Variants in FOXP1 observed in about 807,000 individuals in gnomAD.
FOXP1 encodes the protein forkhead box P1, also known as forkhead box protein P1.
A neutral mutation model predicts 98.2 loss-of-function variants in FOXP1; 15 were observed. The ratio of observed to expected loss-of-function variants is 0.15; its 90% CI spans 0.10 to 0.24. The LOEUF is 0.24. Among genes scored for constraint, FOXP1 ranks in the 10% least tolerant of loss-of-function variants. The pLI is 1.00. For synonymous variants in FOXP1, 371 were observed against 314.5 expected, an observed-to-expected ratio of 1.18 and a Z score of -1.90; for missense variants, 633 against 848.5, an observed-to-expected ratio of 0.75 and a Z score of 3.15.
chr3:70,988,159 T>C, intron 13 of FOXP1, 82 bp from the exon 14 acceptor site: 1 of 1,194,534 alleles, frequency 8.4e-7, no homozygotes, highest in Middle Eastern at 1.9e-4. Flanking sequence ...TATTACAAAT[T>C]ACGCTATGGC....
At chr3:71,157,904 T>C (rs960626612) in intron 6 of FOXP1, among the ~76,000 whole-genome samples, 2 of 151,754 alleles carry the variant, frequency 1.3e-5, no homozygotes, top group Non-Finnish European at 2.9e-5. Context: ...CAGGCCAACA[T>C]GGTGAAACCT....
At chr3:71,240,629 G>A (rs951074800) in intron 5 of FOXP1, among the ~76,000 whole-genome samples, 5 of 151,876 alleles carry the variant, frequency 3.3e-5, no homozygotes, top group East Asian at 2.0e-4. Flanking sequence ...TGCAACCTCC[G>A]CCTCCGGGGT....
Position 71,493,027 on chromosome 3 carries a change from C to G in FOXP1, c.-168+399G>C, listed in dbSNP as rs73837359. On this transcript the variant is annotated intron_variant, in intron 3 of 20. Coordinates refer to ENST00000649528, the MANE Select transcript of FOXP1 (RefSeq NM_001349338.3). ...TACAAAAAGTTTGGGATAGGACTCT[C>G]TCAAGGAACAAATTAGACTCAAATT... Among the ~76,000 whole-genome samples the G allele has an allele frequency of 2.0e-3, 308 of 152,150 alleles. 2 individuals carry two copies. The highest frequency in any genetic ancestry group is 7.2e-3 in the African/African-American group (297 of 41,494).
intron 14 of FOXP1, among the ~76,000 whole-genome samples, chr3:70,984,298 G>A (rs773793018): frequency 4.6e-5 from 7 of 152,134 alleles, no homozygotes; most frequent in Non-Finnish European, 1.0e-4. Context: ...CAGAGGGACC[G>A]ATCTGGGCAC....
intron 2 of FOXP1, among the ~76,000 whole-genome samples, chr3:71,554,706 T>C (rs2046004552): frequency 6.6e-6 from 1 of 152,228 alleles, no homozygotes; most frequent in African/African-American, 2.4e-5. Context: ...TTAAAAATGT[T>C]AGAATCCAAC....
At chr3:71,293,015 C>G (rs1188895715) in intron 5 of FOXP1, among the ~76,000 whole-genome samples, 3 of 152,186 alleles carry the variant, frequency 2.0e-5, no homozygotes, top group Admixed American at 2.0e-4. Flanking sequence ...AGGATTCTGT[C>G]ATCAGTACAC....
intron 2 of FOXP1, among the ~76,000 whole-genome samples, chr3:71,562,758 G>A (rs906335618): frequency 6.6e-6 from 1 of 152,200 alleles, no homozygotes; most frequent in Non-Finnish European, 1.5e-5. Flanking sequence ...GATGATACAT[G>A]TCAGGAATAG....
intron 2 of FOXP1, among the ~76,000 whole-genome samples, chr3:71,524,443 AG>A (rs1361461268): frequency 6.6e-6 from 1 of 152,116 alleles, no homozygotes; most frequent in Non-Finnish European, 1.5e-5. Context: ...TTTTAAGTCT[AG>A]CAGAACCAGA....
At chr3:71,523,969 T>C (rs2043177954) in intron 2 of FOXP1, among the ~76,000 whole-genome samples, 2 of 152,122 alleles carry the variant, frequency 1.3e-5, no homozygotes, top group Non-Finnish European at 2.9e-5. Flanking sequence ...TCCATGTAAC[T>C]ACTGGAAAAA....
intron 4 of FOXP1, among the ~76,000 whole-genome samples, chr3:71,330,593 C>A (rs2076232276): frequency 6.6e-6 from 1 of 152,126 alleles, no homozygotes; most frequent in Non-Finnish European, 1.5e-5. Flanking sequence ...AATCTGTGGA[C>A]AAATTTATAA....
At chr3:71,552,532 T>C (rs1009556173) in intron 2 of FOXP1, among the ~76,000 whole-genome samples, 3 of 151,150 alleles carry the variant, frequency 2.0e-5, no homozygotes, top group Non-Finnish European at 4.4e-5. Flanking sequence ...ACAATCAAAA[T>C]AAAAAAGGAA....
chr3:71,411,410 G>GCACCAA, intron 3 of FOXP1, among the ~76,000 whole-genome samples: 1 of 152,086 alleles, frequency 6.6e-6, no homozygotes, highest in East Asian at 1.9e-4. Flanking sequence ...CGCCTCCCGG[G>GCACCAA]TTCAAGCTAT....
chr3:71,343,623 T>G (rs1430603614), intron 4 of FOXP1, among the ~76,000 whole-genome samples: 1 of 148,512 alleles, frequency 6.7e-6, no homozygotes, highest in Non-Finnish European at 1.5e-5. Flanking sequence ...TGGAGTGATC[T>G]CGGCTCACTG....
chr3:70,983,106 A>T (rs557277967), intron 14 of FOXP1, among the ~76,000 whole-genome samples: 1 of 152,306 alleles, frequency 6.6e-6, no homozygotes, highest in South Asian at 2.1e-4. Flanking sequence ...GGCCGTGCGG[A>T]GGGCAGGACA....
intron 5 of FOXP1, among the ~76,000 whole-genome samples, chr3:71,244,640 C>A (rs1360895407): frequency 6.6e-6 from 1 of 151,970 alleles, no homozygotes; most frequent in Non-Finnish European, 1.5e-5. Flanking sequence ...GCAGTGTTTA[C>A]ACCACACCAG....
chr3:71,285,076 T>C (rs2071966724), intron 5 of FOXP1, among the ~76,000 whole-genome samples: 1 of 152,182 alleles, frequency 6.6e-6, no homozygotes. Flanking sequence ...GATGACAATT[T>C]TACATTGGTA....
intron 3 of FOXP1, among the ~76,000 whole-genome samples, chr3:71,413,261 C>CACACACACACAT (rs1315838568): frequency 4.3e-5 from 4 of 93,700 alleles, no homozygotes; most frequent in Non-Finnish European, 7.5e-5. Flanking sequence ...CCCAAATAGA[C>CACACACACACAT]ACACACACAC....
intron 5 of FOXP1, among the ~76,000 whole-genome samples, chr3:71,226,520 C>G (rs2065848504): frequency 6.6e-6 from 1 of 151,870 alleles, no homozygotes. Flanking sequence ...GCAGGGTCTA[C>G]TCTGGGGGTC....
Position 71,274,640 on chromosome 3 carries a change from T to G in FOXP1, c.-12+25180A>C, listed in dbSNP as rs2070715306. Among the ~76,000 whole-genome samples, 5 of 152,276 alleles carry G rather than the reference T, an allele frequency of 3.3e-5. No individual in the cohort carries two copies. In the South Asian group the frequency reaches 1.0e-3, roughly 32 times the overall value. ...CATGCAACTAAAAAAGTATTTTCGA[T>G]AACACAGTGATCCACGGAGGTGGAG... On this transcript the variant is annotated intron_variant, in intron 5 of 20. Transcript: ENST00000649528.
Sources: allele counts gnomAD v4.1 joint callset (sites outside exome capture counted in the v4.1 genomes callset), GRCh38; gene constraint gnomAD v4.1.1; transcripts MANE v1.5; gene names NCBI Gene and HGNC (gene_info 2026-07-23, HGNC 2026-07-21).